Variants in CELA1 observed in about 807,000 individuals in gnomAD.
CELA1 encodes the protein chymotrypsin like elastase 1.
CELA1 carries 28 observed loss-of-function variants against 34.8 expected under a neutral mutation model. That is an observed-to-expected ratio of 0.80 (90% CI 0.60 to 1.10). CELA1 has a LOEUF of 1.10. Ranked by LOEUF, CELA1 falls within the 50% of genes least tolerant of loss-of-function variation. CELA1 has a pLI of 0.00. For synonymous variants in CELA1, 140 were observed against 129.8 expected, an observed-to-expected ratio of 1.08 and a Z score of -0.53; for missense variants, 288 against 327.5, an observed-to-expected ratio of 0.88 and a Z score of 0.93.
Position 51,328,517 on chromosome 12 carries a change from G to C in CELA1, c.*60C>G. 6.4e-7 allele frequency: 1 copy of C among 1,564,932 alleles called. No individual in the cohort carries two copies. The highest frequency in any genetic ancestry group is 8.8e-7 in the Non-Finnish European group (1 of 1,135,960). ...TCAGAATGTGTTTTACTTTTTGATC[G>C]CAAGTCCTACTGCAGATCTAAGAAC... On this transcript the variant is annotated 3_prime_UTR_variant, in exon 8 of 8. Transcript: ENST00000293636.
rs534634915 is a variant in CELA1, at chr12:51,345,186, A to G, written c.99+609T>C. On this transcript the variant is annotated intron_variant, in intron 2 of 7. Coordinates refer to ENST00000293636, the MANE Select transcript of CELA1 (RefSeq NM_001971.6). ...ATCAGTTCATGTCTCTTCTTCTAGC[A>G]CCTCATGTTATGTAATAGCTCTACT... Among the ~76,000 whole-genome samples the G allele has an allele frequency of 1.2e-4, 19 of 152,214 alleles. No homozygotes were observed. The South Asian group carries it at 3.7e-3, about 30-fold the overall frequency.
intron 1 of CELA1, among the ~76,000 whole-genome samples, chr12:51,346,334 G>A (rs3830069): frequency 0.037 from 5,691 of 152,118 alleles, 138 homozygotes; most frequent in East Asian, 0.1. Context: ...GGAAGCCCAG[G>A]GACCCACCCC....
chr12:51,336,741 T>C (rs1014283633), intron 6 of CELA1, among the ~76,000 whole-genome samples: 2 of 152,218 alleles, frequency 1.3e-5, no homozygotes, highest in African/African-American at 4.8e-5. Context: ...TCTCAAACTC[T>C]GTAAATCTTG....
chr12:51,331,297 G>A (rs1223121265), intron 6 of CELA1, among the ~76,000 whole-genome samples: 1 of 152,200 alleles, frequency 6.6e-6, no homozygotes, highest in Non-Finnish European at 1.5e-5. Context: ...GCTGAGGCAG[G>A]AGAATCGCTT....
At chr12:51,338,822 A>T (rs2137480148) in intron 6 of CELA1, among the ~76,000 whole-genome samples, 1 of 152,318 alleles carries the variant, frequency 6.6e-6, no homozygotes, top group East Asian at 1.9e-4. Context: ...CTGCATTAAG[A>T]AATCTGGGGT....
chr12:51,341,329 A>G lies in CELA1; in HGVS notation c.378T>C (p.Tyr126=). 1 of 1,614,222 alleles carries G rather than the reference A, an allele frequency of 6.2e-7. No homozygotes were observed. Among genetic ancestry groups the G allele is most frequent in the Non-Finnish European group, 8.5e-7 (1 of 1,180,032 alleles). ...RLAQSVTLNS[Y]VQLGVLPQEG... ...CCTGGGGCAGAACACCCAGCTGGACATAGCTATTGAGGGTAACGCTCTGGG... is the reference window on the plus strand; with the variant it reads ...CCTGGGGCAGAACACCCAGCTGGACGTAGCTATTGAGGGTAACGCTCTGGG... Residue 126 remains tyrosine (Y), a synonymous_variant, in exon 5 of 8, where the codon TAT becomes TAC. Transcript: ENST00000293636.
Position 51,339,861 on chromosome 12 carries a change from T to C in CELA1, c.608A>G (p.Gln203Arg). 6.2e-7 allele frequency: 1 copy of C among 1,610,694 alleles called. No homozygotes were observed. Among genetic ancestry groups the C allele is most frequent in the Non-Finnish European group, 8.5e-7 (1 of 1,178,356 alleles). The change falls in exon 6 of 8, where the codon CAG becomes CGG. Residue 203 changes from glutamine (Q) to arginine (R), a missense_variant and splice_region_variant. Gln to Arg is a conservative substitution (Grantham distance 43). Transcript: ENST00000293636. ...GTGGGACCCCCTGCAAATGTTCACC[T>C]GGCATCCAGAGCGAACTCCATCTCC... ...AGGDGVRSGC[Q>R]GDSGGPLHCL...
In CELA1 at chr12:51,330,969, C is replaced by CAAA. The variant is rs201798953; in HGVS notation, c.610-1139_610-1137dup. On this transcript the variant is annotated intron_variant, in intron 6 of 7. Transcript: ENST00000293636. ...TGGGCGACAGAGTGAGACTCTGTCT[C>CAAA]AAAAAAAAAAAAAAAAAAGGAATTC... Among the ~76,000 whole-genome samples the CAAA allele has an allele frequency of 2.2e-3, 175 of 79,404 alleles. 1 individual carries two copies. The highest frequency in any genetic ancestry group is 0.01 in the African/African-American group (165 of 16,454). 52.1% of individuals were successfully genotyped at this position (79,404 alleles called of 152,430 possible).
chr12:51,339,656 G>A (rs1459738572), intron 6 of CELA1, among the ~76,000 whole-genome samples: 1 of 152,204 alleles, frequency 6.6e-6, no homozygotes, highest in Non-Finnish European at 1.5e-5. Flanking sequence ...CATCGAGCAA[G>A]ATCAATTTTA....
intron 6 of CELA1, among the ~76,000 whole-genome samples, chr12:51,338,958 A>G (rs886536145): frequency 2.0e-5 from 3 of 152,164 alleles, no homozygotes; most frequent in African/African-American, 7.2e-5. Context: ...TATTAAAATA[A>G]TAATAATAAA....
intron 6 of CELA1, among the ~76,000 whole-genome samples, chr12:51,337,281 T>C (rs1460016810): frequency 6.6e-6 from 1 of 152,146 alleles, no homozygotes; most frequent in African/African-American, 2.4e-5. Flanking sequence ...ACGCCTATAA[T>C]CCCAGCACTC....
intron 4 of CELA1, 53 bp from the exon 5 acceptor site, chr12:51,341,433 C>T (rs1237768880): frequency 1.2e-6 from 2 of 1,602,098 alleles, no homozygotes; most frequent in East Asian, 4.5e-5. Context: ...TCCCTGAGGT[C>T]AGCATATACA....
intron 4 of CELA1, among the ~76,000 whole-genome samples, chr12:51,341,797 G>A (rs941736927): frequency 1.0e-4 from 14 of 140,116 alleles, no homozygotes; most frequent in African/African-American, 3.1e-4. Context: ...ATTGACCACC[G>A]TTTTAATTAT....
rs113759996 is a variant in CELA1, at chr12:51,339,779, G to A, written c.609+81C>T. 5.3e-4 allele frequency: 753 copies of A among 1,418,198 alleles called. 3 individuals are homozygous for A. In the African/African-American group the frequency reaches 8.6e-3, roughly 16 times the overall value. 87.9% of individuals were successfully genotyped at this position (1,418,198 alleles called of 1,614,324 possible). A position where few individuals can be genotyped will look rare whatever the true frequency, so the allele number is the denominator to read the frequency against. On this transcript the variant is annotated intron_variant, in intron 6 of 7. Coordinates refer to ENST00000293636, the MANE Select transcript of CELA1 (RefSeq NM_001971.6). ...CTGTGTAGGACTAAGAGTAAGTGTC[G>A]AATAGGGAGGTGAGGAAGAGGGGTG...
intron 6 of CELA1, among the ~76,000 whole-genome samples, chr12:51,338,255 TACAC>T (rs758082342): frequency 9.8e-4 from 115 of 116,860 alleles, no homozygotes; most frequent in African/African-American, 3.4e-3. Flanking sequence ...AAAAAAAACA[TACAC>T]ACACACACAC....
chr12:51,332,030 A>T (rs558625151), intron 6 of CELA1, among the ~76,000 whole-genome samples: 26 of 152,100 alleles, frequency 1.7e-4, no homozygotes, highest in East Asian at 1.5e-3. Context: ...TTAAAATTTT[A>T]AAAAATCAGC....
At chr12:51,339,833 G>A (rs377362726) in intron 6 of CELA1, 27 bp downstream of exon 6, 4 of 1,586,206 alleles carry the variant, frequency 2.5e-6, no homozygotes, top group Non-Finnish European at 3.4e-6. Flanking sequence ...GGCGGGACCT[G>A]GGGTGGGACC....
intron 4 of CELA1, among the ~76,000 whole-genome samples, chr12:51,341,952 C>A (rs1946538207): frequency 6.6e-6 from 1 of 152,204 alleles, no homozygotes; most frequent in Non-Finnish European, 1.5e-5. Flanking sequence ...ACATTAAAAT[C>A]TGCAGAGAAT....
At position 51,339,970 on chromosome 12, in the gene CELA1, A is replaced by C. The variant is rs1946524471; in HGVS notation, c.499T>G (p.Tyr167Asp). The part of the protein sequence containing the change: ...GQLAQTLQQA[Y>D]LPSVDYAICS... The stretch of plus-strand genomic sequence containing the variant: ...ATGGCGTAGTCCACAGAGGGCAGGT[A>C]AGCCTGCTGCAGGGTCTGGGCCAGC... Residue 167 changes from tyrosine to aspartate, a missense_variant, in exon 6 of 8, where the codon TAC (tyrosine) becomes GAC (aspartate). Transcript: ENST00000293636. The C allele has an allele frequency of 6.2e-7, 1 of 1,613,964 alleles. No individual in the cohort carries two copies. The highest frequency in any genetic ancestry group is 1.3e-5 in the African/African-American group (1 of 74,936).
Sources: gnomAD v4.1 joint callset for allele counts (sites outside exome capture counted in the v4.1 genomes callset) on GRCh38, gnomAD v4.1.1 for gene constraint, MANE v1.5 for transcripts, NCBI Gene and HGNC (gene_info 2026-07-23, HGNC 2026-07-21) for gene names.